XRCC5: variants seen among roughly 807,000 people sequenced by gnomAD.
XRCC5 encodes DNA repair protein Ku80.
XRCC5 carries 12 observed loss-of-function variants against 95.7 expected under a neutral mutation model. The ratio of observed to expected loss-of-function variants is 0.13; its 90% confidence interval spans 0.08 to 0.20. The LOEUF (loss-of-function observed/expected upper bound fraction) is 0.20, where lower values mean the gene tolerates loss of function less well. Among genes scored for constraint, XRCC5 ranks in the 10% least tolerant of loss-of-function variants. The pLI is 1.00. For synonymous variants in XRCC5, 281 were observed against 290.3 expected (o/e 0.97, Z 0.33); for missense variants, 595 against 873.9 (o/e 0.68, Z 4.02).
At chr2:216,172,062 A>C (rs1416844763) in intron 16 of XRCC5, among the ~76,000 whole-genome samples, 1 of 152,214 alleles carries the variant, frequency 6.6e-6, no homozygotes, top group Non-Finnish European at 1.5e-5. Context: ...TTGCAAGGTG[A>C]TGCTGGCCTA....
chr2:216,190,201 A>G (rs1689589254), intron 16 of XRCC5, 24 bp from the exon 17 acceptor site: 2 of 1,605,878 alleles, frequency 1.2e-6, no homozygotes, highest in Admixed American at 1.7e-5. Context: ...CAAATCTAAG[A>G]AAATTTGTTG....
At chr2:216,169,474 C>G (rs1689114880) in intron 16 of XRCC5, among the ~76,000 whole-genome samples, 1 of 152,160 alleles carries the variant, frequency 6.6e-6, no homozygotes, top group Non-Finnish European at 1.5e-5. Context: ...GCTGGTGGAA[C>G]AAGAGTTCAG....
At chr2:216,174,294 C>T (rs965810494) in intron 16 of XRCC5, among the ~76,000 whole-genome samples, 3 of 152,202 alleles carry the variant, frequency 2.0e-5, no homozygotes, top group African/African-American at 7.2e-5. Context: ...TATCTCTTCT[C>T]TTCACATGTC....
At chr2:216,149,660 G>A (rs902997095) in intron 14 of XRCC5, among the ~76,000 whole-genome samples, 3 of 152,032 alleles carry the variant, frequency 2.0e-5, no homozygotes, top group Admixed American at 6.6e-5. Context: ...CTGGTGTTGT[G>A]GGAAAGAAAT....
intron 2 of XRCC5, among the ~76,000 whole-genome samples, chr2:216,115,027 A>C (rs1696664619): frequency 6.8e-6 from 1 of 147,674 alleles, no homozygotes; most frequent in African/African-American, 2.7e-5. Flanking sequence ...TCTAAAAACT[A>C]AACAAAGAAG....
intron 16 of XRCC5, among the ~76,000 whole-genome samples, chr2:216,187,849 TC>T (rs1559261283): frequency 7.3e-5 from 10 of 136,390 alleles, no homozygotes; most frequent in African/African-American, 2.8e-4. Flanking sequence ...TCTCTCTCTC[TC>T]TCTCTCTCTC....
chr2:216,175,195 G>C, intron 16 of XRCC5: 1 of 371,478 alleles, frequency 2.7e-6, no homozygotes, highest in Non-Finnish European at 5.3e-6. Flanking sequence ...GCTGTAGGCA[G>C]GCCCACCACC....
In XRCC5 at chr2:216,141,540, C is replaced by CTTTTTTTT. The variant is rs71401137; in HGVS notation, c.1476+240_1476+247dup. 5.0e-3 allele frequency among the ~76,000 whole-genome samples: 325 copies of CTTTTTTTT among 64,892 alleles called. 41 individuals are homozygous for CTTTTTTTT. The highest frequency in any genetic ancestry group is 0.014 in the East Asian group (27 of 1,992). 42.6% of individuals were successfully genotyped at this position (64,892 alleles called of 152,430 possible). A position where few individuals can be genotyped will look rare whatever the true frequency, so the allele number is the denominator to read the frequency against. ...AAAGTTGGAATGCTTTCTTTCTTTT[C>CTTTTTTTT]TTTTTTTTTTTTTTTTTTTTTTTTT... On this transcript the variant is annotated intron_variant, in intron 13 of 20. Coordinates refer to ENST00000392132, the MANE Select transcript of XRCC5 (RefSeq NM_021141.4).
In XRCC5 at chr2:216,144,246, G is replaced by A. The variant is rs564092609; in HGVS notation, c.1476+2927G>A. On this transcript the variant is annotated intron_variant, in intron 13 of 20. Transcript: ENST00000392132. ...CATGCCATGCAAAATAAATAACATG[G>A]AAAAGCATGAAAATATGAAGAGCCA... Among the ~76,000 whole-genome samples the A allele has an allele frequency of 9.4e-4, 143 of 152,290 alleles. 2 individuals are homozygous for A. The highest frequency in any genetic ancestry group is 3.3e-3 in the African/African-American group (138 of 41,572).
chr2:216,194,310 TTGA>T (rs1412006784), intron 18 of XRCC5, among the ~76,000 whole-genome samples: 3 of 152,228 alleles, frequency 2.0e-5, no homozygotes, highest in Non-Finnish European at 2.9e-5. Flanking sequence ...CAACAACCTA[TTGA>T]TGATAGTTAA....
chr2:216,155,817 G>A (rs1448285662), intron 14 of XRCC5, among the ~76,000 whole-genome samples: 1 of 152,100 alleles, frequency 6.6e-6, no homozygotes, highest in Non-Finnish European at 1.5e-5. Flanking sequence ...TATATCGGTG[G>A]GTACAAGAGG....
At chr2:216,205,095 G>A in intron 20 of XRCC5, 93 bp from the exon 21 acceptor site, 2 of 1,482,530 alleles carry the variant, frequency 1.3e-6, no homozygotes, top group Admixed American at 1.7e-5. Context: ...GCCTTCCAAT[G>A]TAGAGTCATT....
At chr2:216,201,545 G>A (rs1211697628) in intron 19 of XRCC5, among the ~76,000 whole-genome samples, 1 of 152,144 alleles carries the variant, frequency 6.6e-6, no homozygotes, top group Non-Finnish European at 1.5e-5. Context: ...ATTTCATAAA[G>A]TTCTCCAGGT....
chr2:216,173,558 G>A lies in XRCC5; in HGVS notation c.1834+11510G>A, dbSNP rs559137684. Among the ~76,000 whole-genome samples the A allele has an allele frequency of 1.4e-3, 208 of 152,234 alleles. 1 individual carries two copies. The highest frequency in any genetic ancestry group is 4.6e-3 in the African/African-American group (190 of 41,542). ...TGCATTCCAAGTATAAAATCCAGTC[G>A]TTCTATAAAATCCTTTTTATATGTA... On this transcript the variant is annotated intron_variant, in intron 16 of 20. Coordinates refer to ENST00000392132, the MANE Select transcript of XRCC5 (RefSeq NM_021141.4).
intron 16 of XRCC5, among the ~76,000 whole-genome samples, chr2:216,166,074 C>G (rs1474063238): frequency 2.6e-5 from 4 of 152,164 alleles, no homozygotes; most frequent in Non-Finnish European, 4.4e-5. Context: ...ATTCTCCCTA[C>G]CCATCACCAT....
intron 19 of XRCC5, among the ~76,000 whole-genome samples, chr2:216,195,923 C>A (rs576083729): frequency 8.6e-5 from 13 of 152,010 alleles, no homozygotes; most frequent in African/African-American, 3.1e-4. Flanking sequence ...AAGACAGCAC[C>A]CCTGCCCTCT....
chr2:216,119,815 C>T (rs970700419), intron 5 of XRCC5, among the ~76,000 whole-genome samples: 1 of 152,220 alleles, frequency 6.6e-6, no homozygotes, highest in Non-Finnish European at 1.5e-5. Context: ...TTTACTTTCT[C>T]TGTGTTATAT....
chr2:216,113,416 G>A (rs1000763375), intron 2 of XRCC5, among the ~76,000 whole-genome samples: 1 of 152,154 alleles, frequency 6.6e-6, no homozygotes, highest in Non-Finnish European at 1.5e-5. Flanking sequence ...AGATGGCTTG[G>A]GTTTGTATCC....
intron 14 of XRCC5, among the ~76,000 whole-genome samples, chr2:216,152,531 A>G (rs1209597497): frequency 1.3e-5 from 2 of 152,108 alleles, no homozygotes; most frequent in Non-Finnish European, 2.9e-5. Context: ...TCTTATCTCA[A>G]AACATACCTG....
Sources: gnomAD v4.1 joint callset for allele counts (sites outside exome capture counted in the v4.1 genomes callset) on GRCh38, gnomAD v4.1.1 for gene constraint, MANE v1.5 for transcripts, NCBI Gene and HGNC (gene_info 2026-07-23, HGNC 2026-07-21) for gene names.